ZNF451: variants seen among roughly 807,000 people sequenced by gnomAD.
The protein encoded by ZNF451 is E3 SUMO-protein ligase ZNF451.
Under a neutral mutation model 107.1 loss-of-function variants are expected in ZNF451, and 80 were observed. The observed-to-expected ratio is 0.75, with a 90% confidence interval of 0.62 to 0.90. ZNF451 has a LOEUF of 0.90. Ranked by LOEUF, ZNF451 falls within the 40% of genes least tolerant of loss-of-function variation. ZNF451 has a pLI of 0.00. For missense variants in ZNF451, 1,107 were observed against 1,236.2 expected (o/e 0.90, Z 1.57); for synonymous variants, 362 against 406.5 (o/e 0.89, Z 1.32).
intron 3 of ZNF451, 60 bp from the exon 4 acceptor site, chr6:57,124,674 A>C (rs1830834749): frequency 2.5e-6 from 3 of 1,217,510 alleles, no homozygotes; most frequent in Non-Finnish European, 3.6e-6. Context: ...TTATGAATGG[A>C]TGTATATTAT....
intron 7 of ZNF451, among the ~76,000 whole-genome samples, chr6:57,138,737 ATATATGTGTGTGTGTG>A (rs1263246966): frequency 1.2e-3 from 113 of 91,260 alleles, no homozygotes; most frequent in Non-Finnish European, 1.8e-3. Context: ...ATATATATAT[ATATATGTGTGTGTGTG>A]TGTGTGTGTG....
intron 9 of ZNF451, among the ~76,000 whole-genome samples, chr6:57,143,580 T>G (rs1831892803): frequency 6.6e-6 from 1 of 152,242 alleles, no homozygotes; most frequent in Non-Finnish European, 1.5e-5. Context: ...AGCACTGCTT[T>G]ACCTGCATGC....
rs535384142 is a variant in ZNF451, at chr6:57,105,027, A to T, written c.186+5886A>T. ...TTTTTATTATTTTAAAATCTCTGGC[A>T]TACTTGAATGATAATGTTATAAAAC... On this transcript the variant is annotated intron_variant, in intron 3 of 14. Transcript: ENST00000370706. The T allele has an allele frequency of 3.1e-6, 3 of 983,482 alleles. No homozygotes were observed. In the African/African-American group the frequency reaches 5.2e-5, roughly 17 times the overall value. The allele number at this position is 983,482 out of a possible 1,614,324, so 60.9% of individuals were successfully genotyped here.
chr6:57,117,825 C>A (rs931896730), intron 3 of ZNF451, among the ~76,000 whole-genome samples: 3 of 152,064 alleles, frequency 2.0e-5, no homozygotes, highest in Non-Finnish European at 2.9e-5. Context: ...TCAAAAGTAA[C>A]TTAAAATGGT....
At chr6:57,145,297 T>G (rs767019346) in intron 9 of ZNF451, among the ~76,000 whole-genome samples, 6 of 152,200 alleles carry the variant, frequency 3.9e-5, no homozygotes, top group Non-Finnish European at 5.9e-5. Context: ...ATTAATCAGT[T>G]CTTTATTTTT....
At chr6:57,133,375 G>A (rs545185404) in intron 6 of ZNF451, among the ~76,000 whole-genome samples, 183 bp downstream of exon 6, 36 of 152,256 alleles carry the variant, frequency 2.4e-4, no homozygotes, top group Non-Finnish European at 4.3e-4. Flanking sequence ...TTTTTCTAGT[G>A]GGTGTAGCTT....
chr6:57,160,627 G>A (rs1260588318), intron 13 of ZNF451, among the ~76,000 whole-genome samples: 3 of 152,074 alleles, frequency 2.0e-5, no homozygotes, highest in Non-Finnish European at 4.4e-5. Context: ...GAACAACCAC[G>A]CCTGGCCTCA....
intron 5 of ZNF451, among the ~76,000 whole-genome samples, chr6:57,129,478 A>G (rs1268964810): frequency 6.6e-6 from 1 of 152,202 alleles, no homozygotes; most frequent in Admixed American, 6.5e-5. Flanking sequence ...AAGAGTTAGG[A>G]TATCCACAGA....
At chr6:57,122,317 G>T (rs1306496428) in intron 3 of ZNF451, among the ~76,000 whole-genome samples, 1 of 152,044 alleles carries the variant, frequency 6.6e-6, no homozygotes, top group Non-Finnish European at 1.5e-5. Context: ...ATTGACTTAG[G>T]CAAAGAATTT....
chr6:57,159,523 GAGT>G, intron 13 of ZNF451: 1 of 186,948 alleles, frequency 5.3e-6, no homozygotes, highest in Non-Finnish European at 9.3e-6. Context: ...AACATTATAA[GAGT>G]TTTTTTTTTT....
chr6:57,106,414 A>G (rs574911476), intron 3 of ZNF451: 20 of 667,734 alleles, frequency 3.0e-5, no homozygotes, highest in Middle Eastern at 1.5e-3. Context: ...GGTTCAAGCA[A>G]TTCTGTCTCA....
intron 14 of ZNF451, chr6:57,165,312 C>A (rs1054243493): frequency 1.3e-5 from 2 of 152,192 alleles, no homozygotes; most frequent in Non-Finnish European, 2.9e-5. Context: ...AACATTCTTT[C>A]TGATCCTATT....
In ZNF451 at chr6:57,168,483, C is replaced by A. The variant is rs369240120; in HGVS notation, c.*14C>A. On this transcript the variant is annotated 3_prime_UTR_variant, in exon 15 of 15. Coordinates refer to ENST00000370706, the MANE Select transcript of ZNF451 (RefSeq NM_001031623.3). ...GAGGAAATGTAATTAAAGATATTAC[C>A]ACACAACATCAAGTGGCCTTGAAGA... 1.9e-5 allele frequency: 30 copies of A among 1,598,994 alleles called. No individual in the cohort carries two copies. The highest frequency in any genetic ancestry group is 1.1e-5 in the South Asian group (1 of 89,490).
At chr6:57,112,714 T>A (rs970486036) in intron 3 of ZNF451, among the ~76,000 whole-genome samples, 2 of 152,214 alleles carry the variant, frequency 1.3e-5, no homozygotes, top group Non-Finnish European at 2.9e-5. Context: ...CTAGGTTATA[T>A]CACCGTGTGT....
intron 2 of ZNF451, among the ~76,000 whole-genome samples, chr6:57,094,839 A>G (rs1312997170): frequency 6.6e-6 from 1 of 152,188 alleles, no homozygotes; most frequent in African/African-American, 2.4e-5. Context: ...ACTACCTCAC[A>G]ATTATAGTGC....
At chr6:57,113,330 G>A (rs1398108103) in intron 3 of ZNF451, among the ~76,000 whole-genome samples, 1 of 141,170 alleles carries the variant, frequency 7.1e-6, no homozygotes, top group African/African-American at 2.6e-5. Flanking sequence ...TTTTTTTTTT[G>A]GCCGTATAGT....
rs371313272 is a variant in ZNF451, at chr6:57,148,057, G to A, written c.1972G>A (p.Glu658Lys). ...IETLYRHCQDEHDNEIKIKYF... is the reference protein window; with the variant it reads ...IETLYRHCQDKHDNEIKIKYF... The stretch of plus-strand genomic sequence containing the variant: ...AACATTGTACCGACATTGCCAAGAT[G>A]AGCATGACAATGAGATAAAGATTAA... Residue 658 changes from glutamate to lysine, a missense_variant, in exon 10 of 15, where the codon GAG becomes AAG. Around this residue, in one of 5 missense-constraint regions of ZNF451, gnomAD observed 608 missense variants for 649.2 expected, o/e 0.94. Transcript: ENST00000370706. 1.9e-6 allele frequency: 3 copies of A among 1,614,036 alleles called. No homozygotes were observed. The highest frequency in any genetic ancestry group is 2.5e-6 in the Non-Finnish European group (3 of 1,179,968).
intron 8 of ZNF451, 118 bp from the exon 9 acceptor site, chr6:57,141,830 C>G (rs1212026159): frequency 2.2e-6 from 2 of 892,502 alleles, no homozygotes; most frequent in Non-Finnish European, 3.3e-6. Context: ...TTTTTATTGC[C>G]AAAATAACTG....
chr6:57,092,841 A>T (rs1392458391), intron 2 of ZNF451: 1 of 152,194 alleles, frequency 6.6e-6, no homozygotes. Flanking sequence ...ATCTGAAACT[A>T]AACACAGCAT....
Sources: gnomAD v4.1 joint callset for allele counts (sites outside exome capture counted in the v4.1 genomes callset) on GRCh38, gnomAD v4.1.1 for gene constraint, gnomAD v4.1.1 regional missense constraint, MANE v1.5 for transcripts, NCBI Gene and HGNC (gene_info 2026-07-23, HGNC 2026-07-21) for gene names.